PLS1: variants seen among roughly 807,000 people sequenced by gnomAD.
PLS1 encodes plastin 1.
Under a neutral mutation model 73.7 loss-of-function variants are expected in PLS1, and 32 were observed. That is an observed-to-expected ratio of 0.43 (90% CI 0.33 to 0.58). The LOEUF (loss-of-function observed/expected upper bound fraction) is 0.58, where lower values mean the gene tolerates loss of function less well. Ranked by LOEUF, PLS1 falls within the 20% of genes least tolerant of loss-of-function variation. The probability of loss-of-function intolerance (pLI) is 0.04; values close to 1 mark genes in which losing one functional copy is unlikely to be tolerated. For synonymous variants in PLS1, 217 were observed against 261.3 expected, an observed-to-expected ratio of 0.83 and a Z score of 1.63; for missense variants, 633 against 740.5, an observed-to-expected ratio of 0.85 and a Z score of 1.68.
At chr3:142,693,291 G>C (rs1027707893) in intron 10 of PLS1, among the ~76,000 whole-genome samples, 1 of 152,190 alleles carries the variant, frequency 6.6e-6, no homozygotes, top group South Asian at 2.1e-4. Context: ...CTTTAGATCT[G>C]ACAAGGCTTG....
chr3:142,630,941 A>G (rs994796174), intron 1 of PLS1, among the ~76,000 whole-genome samples: 36 of 147,288 alleles, frequency 2.4e-4, no homozygotes, highest in Non-Finnish European at 3.6e-4. Flanking sequence ...GTAAATAAAC[A>G]CACACACACA....
At chr3:142,625,731 T>C (rs2036410160) in intron 1 of PLS1, among the ~76,000 whole-genome samples, 1 of 152,154 alleles carries the variant, frequency 6.6e-6, no homozygotes, top group African/African-American at 2.4e-5. Flanking sequence ...TCCCAGCACT[T>C]TGGGAGCTGA....
intron 1 of PLS1, among the ~76,000 whole-genome samples, chr3:142,599,680 T>G (rs1156358370): frequency 1.3e-5 from 2 of 152,160 alleles, no homozygotes; most frequent in African/African-American, 4.8e-5. Flanking sequence ...TCTGTTCAAA[T>G]TTCCTCATTA....
At chr3:142,653,995 A>T (rs1372583011) in intron 1 of PLS1, among the ~76,000 whole-genome samples, 1 of 152,220 alleles carries the variant, frequency 6.6e-6, no homozygotes, top group Non-Finnish European at 1.5e-5. Flanking sequence ...GAATACATGA[A>T]TGAATGAATT....
chr3:142,661,855 A>G (rs2037379253), intron 1 of PLS1, among the ~76,000 whole-genome samples: 1 of 152,234 alleles, frequency 6.6e-6, no homozygotes, highest in Non-Finnish European at 1.5e-5. Flanking sequence ...CATTTTAAAA[A>G]TAAGAGTTGT....
At chr3:142,664,340 T>C (rs763673034) in intron 2 of PLS1, 33 bp downstream of exon 2, 2 of 1,114,764 alleles carry the variant, frequency 1.8e-6, no homozygotes, top group Non-Finnish European at 2.7e-6. Context: ...ATGATATTAC[T>C]GGTCTGCTTG....
intron 13 of PLS1, 151 bp downstream of exon 13, chr3:142,704,152 G>T (rs1277401196): frequency 1.5e-5 from 9 of 620,566 alleles, no homozygotes; most frequent in South Asian, 3.3e-5. Context: ...GTTGATTATG[G>T]TTTTTTTGTA....
At chr3:142,645,311 G>A (rs2036930871) in intron 1 of PLS1, 1 of 152,156 alleles carries the variant, frequency 6.6e-6, no homozygotes. Flanking sequence ...GCCAGCGTTG[G>A]ATTGTGTAGG....
intron 1 of PLS1, among the ~76,000 whole-genome samples, chr3:142,607,756 C>A (rs895283953): frequency 7.2e-5 from 11 of 152,112 alleles, no homozygotes; most frequent in African/African-American, 2.7e-4. Context: ...TACTGTGTCT[C>A]CTTAGGCTCC....
In PLS1 at chr3:142,612,362, T is replaced by C. The variant is rs2036139273; in HGVS notation, c.-37+15853T>C. Reference sequence around the variant, plus strand: ...TGCCAAAATTGTAATACAGGTACATTGTATTTGTATATAAGGTTTAGAGAA... The same window carrying C: ...TGCCAAAATTGTAATACAGGTACATCGTATTTGTATATAAGGTTTAGAGAA... On this transcript the variant is annotated intron_variant, in intron 1 of 15. Transcript: ENST00000457734. Among the ~76,000 whole-genome samples, 3 of 150,362 alleles carry C rather than the reference T, an allele frequency of 2.0e-5. No homozygotes were observed. The South Asian group carries it at 6.2e-4, about 31-fold the overall frequency.
At chr3:142,647,498 CT>C (rs756635988) in intron 1 of PLS1, among the ~76,000 whole-genome samples, 5 of 92,068 alleles carry the variant, frequency 5.4e-5, no homozygotes, top group African/African-American at 2.1e-4. Context: ...TTTTCTTTTT[CT>C]TTTCTTTTTT....
At chr3:142,655,703 C>T (rs1577846969) in intron 1 of PLS1, among the ~76,000 whole-genome samples, 1 of 81,910 alleles carries the variant, frequency 1.2e-5, no homozygotes, top group African/African-American at 4.4e-5. Flanking sequence ...GCCTGGGCAA[C>T]AAGAACAAAA....
intron 1 of PLS1, among the ~76,000 whole-genome samples, chr3:142,657,474 G>A (rs2107809097): frequency 6.6e-6 from 1 of 152,282 alleles, no homozygotes; most frequent in African/African-American, 2.4e-5. Context: ...GTGTTATAGT[G>A]TTATTGCTGT....
At chr3:142,687,457 A>C (rs889157627) in intron 9 of PLS1, among the ~76,000 whole-genome samples, 2 of 152,212 alleles carry the variant, frequency 1.3e-5, no homozygotes, top group African/African-American at 4.8e-5. Flanking sequence ...GTCATTACTA[A>C]TTAATTATAT....
chr3:142,601,494 A>G (rs1035060711), intron 1 of PLS1, among the ~76,000 whole-genome samples: 2 of 152,044 alleles, frequency 1.3e-5, no homozygotes, highest in Non-Finnish European at 2.9e-5. Context: ...TTTATAAACC[A>G]TCCTGTGAGA....
At chr3:142,611,549 G>A (rs777857004) in intron 1 of PLS1, among the ~76,000 whole-genome samples, 2 of 152,174 alleles carry the variant, frequency 1.3e-5, no homozygotes, top group Non-Finnish European at 2.9e-5. Context: ...TTGAGCCCAG[G>A]AGTTTGAGGC....
chr3:142,692,175 T>G (rs1204811508), intron 10 of PLS1, among the ~76,000 whole-genome samples: 1 of 152,134 alleles, frequency 6.6e-6, no homozygotes, highest in Non-Finnish European at 1.5e-5. Context: ...CACATTTGAG[T>G]GTTAAATATA....
At position 142,638,692 on chromosome 3, in the gene PLS1, G is replaced by A. The variant is rs922133864; in HGVS notation, c.-36-25510G>A. ...AATTCCCAGGCCTCAAAATTTAGGT[G>A]TGTAAGAAACACTTATCTTCATTTT... On this transcript the variant is annotated intron_variant, in intron 1 of 15. Coordinates refer to ENST00000457734, the MANE Select transcript of PLS1 (RefSeq NM_001145319.2). Among the ~76,000 whole-genome samples the A allele has an allele frequency of 2.6e-5, 4 of 152,154 alleles. No homozygotes were observed. In the South Asian group the frequency reaches 6.2e-4, roughly 24 times the overall value.
chr3:142,712,444 C>A lies in PLS1; in HGVS notation c.*437C>A, dbSNP rs1313073373. 6.4e-6 allele frequency: 1 copy of A among 156,006 alleles called. No homozygotes were observed. The highest frequency in any genetic ancestry group is 1.4e-5 in the Non-Finnish European group (1 of 70,254). The allele number at this position is 156,006 out of a possible 1,614,324, so 9.7% of individuals were successfully genotyped here. On this transcript the variant is annotated 3_prime_UTR_variant, in exon 16 of 16. Coordinates refer to ENST00000457734, the MANE Select transcript of PLS1 (RefSeq NM_001145319.2). ...GTTTAATCCTTTTATTTGCTTCCTCCAACTATTTAAAGTGGTCCAAAAACA... is the reference window on the plus strand; with the variant it reads ...GTTTAATCCTTTTATTTGCTTCCTCAAACTATTTAAAGTGGTCCAAAAACA...
Sources: allele counts gnomAD v4.1 joint callset (sites outside exome capture counted in the v4.1 genomes callset), GRCh38; gene constraint gnomAD v4.1.1; transcripts MANE v1.5; gene names NCBI Gene and HGNC (gene_info 2026-07-23, HGNC 2026-07-21).